Variants in SLC47A1 observed in about 807,000 individuals in gnomAD.
The protein encoded by SLC47A1 is solute carrier family 47 member 1.
A neutral mutation model predicts 65.8 loss-of-function variants in SLC47A1; 58 were observed. That is an observed-to-expected ratio of 0.88 (90% CI 0.71 to 1.10). SLC47A1 has a LOEUF of 1.10. Ranked by LOEUF, SLC47A1 falls within the 50% of genes least tolerant of loss-of-function variation. The pLI is 0.00. For synonymous variants in SLC47A1, 285 were observed against 295.0 expected (o/e 0.97, Z 0.35); for missense variants, 706 against 719.2 (o/e 0.98, Z 0.21).
At chr17:19,556,127 C>T in intron 10 of SLC47A1, 65 bp downstream of exon 10, 1 of 1,550,920 alleles carries the variant, frequency 6.4e-7, no homozygotes, top group Non-Finnish European at 8.9e-7. Context: ...CTGAAAGAGT[C>T]TATGGATGAG....
chr17:19,533,874 T>TGCCGTCCTGCGCGGTACC lies in SLC47A1; in HGVS notation c.-66_-65insGCCGTCCTGCGCGGTACC. On this transcript the variant is annotated 5_prime_UTR_variant, in exon 1 of 17. Transcript: ENST00000270570. Reference sequence around the variant, plus strand: ...TACCCACTGCCGGCCTGCGCGGTACTCACTGCCGGCCTCCGCGGTACCCAC... The same window carrying TGCCGTCCTGCGCGGTACC: ...TACCCACTGCCGGCCTGCGCGGTACTGCCGTCCTGCGCGGTACCCACTGCCGGCCTCCGCGGTACCCAC... 7.2e-7 allele frequency: 1 copy of TGCCGTCCTGCGCGGTACC among 1,380,840 alleles called. No individual in the cohort carries two copies. The highest frequency in any genetic ancestry group is 3.0e-5 in the Admixed American group (1 of 33,186). 85.5% of individuals were successfully genotyped at this position (1,380,840 alleles called of 1,614,324 possible). A position where few individuals can be genotyped will look rare whatever the true frequency, so the allele number is the denominator to read the frequency against.
Position 19,533,948 on chromosome 17 carries a change from T to C in SLC47A1, c.9T>C (p.Ala3=). The change falls in exon 1 of 17, where the codon GCT becomes GCC. Residue 3 remains alanine (A), a synonymous_variant. Transcript: ENST00000270570. ME[A]PEEPAPVRGG... ...CGCAGCGCGCGAGTCACATGGAAGC[T>C]CCTGAGGAGCCCGCGCCAGTGCGCG... 1.3e-6 allele frequency: 2 copies of C among 1,525,640 alleles called. No homozygotes were observed. Among genetic ancestry groups the C allele is most frequent in the Non-Finnish European group, 8.8e-7 (1 of 1,140,828 alleles). The allele number at this position is 1,525,640 out of a possible 1,614,324, so 94.5% of individuals were successfully genotyped here. A position where few individuals can be genotyped will look rare whatever the true frequency, so the allele number is the denominator to read the frequency against.
At chr17:19,550,696 T>C (rs1916424050) in intron 5 of SLC47A1, among the ~76,000 whole-genome samples, 1 of 152,120 alleles carries the variant, frequency 6.6e-6, no homozygotes, top group Non-Finnish European at 1.5e-5. Flanking sequence ...TACCACACAC[T>C]AGGGAGCTTA....
chr17:19,548,178 G>GA, intron 4 of SLC47A1, 45 bp downstream of exon 4: 1 of 1,588,690 alleles, frequency 6.3e-7, no homozygotes, highest in Non-Finnish European at 8.6e-7. Context: ...CCATCCCACG[G>GA]AAAGATTATC....
At chr17:19,547,868 G>C in intron 3 of SLC47A1, 117 bp from the exon 4 acceptor site, 1 of 1,164,002 alleles carries the variant, frequency 8.6e-7, no homozygotes, top group Non-Finnish European at 1.2e-6. Context: ...GATTACAGGC[G>C]TGAGCCACCT....
intron 16 of SLC47A1, among the ~76,000 whole-genome samples, chr17:19,575,837 C>T (rs898979134): frequency 2.0e-5 from 3 of 151,918 alleles, no homozygotes; most frequent in African/African-American, 7.3e-5. Context: ...ATAATAAGGC[C>T]GATGAATAAG....
intron 12 of SLC47A1, among the ~76,000 whole-genome samples, chr17:19,561,806 T>A (rs2084313678): frequency 6.6e-6 from 1 of 152,214 alleles, no homozygotes; most frequent in Non-Finnish European, 1.5e-5. Flanking sequence ...AACCCCTTTT[T>A]AGTACGATTA....
chr17:19,553,324 C>T (rs1916505959), intron 6 of SLC47A1, among the ~76,000 whole-genome samples: 1 of 152,126 alleles, frequency 6.6e-6, no homozygotes, highest in Non-Finnish European at 1.5e-5. Context: ...GCCACCTCTT[C>T]TCGTTCTCCC....
At chr17:19,551,310 C>A in intron 5 of SLC47A1, 114 bp from the exon 6 acceptor site, 1 of 919,136 alleles carries the variant, frequency 1.1e-6, no homozygotes, top group Non-Finnish European at 1.8e-6. Flanking sequence ...TGGCTCCGTG[C>A]GGGAGCAGAG....
rs200450505 is a variant in SLC47A1 at position 19,548,016 on chromosome 17, G to A, written c.338G>A (p.Gly113Asp). 4 of 1,613,934 alleles carry A rather than the reference G, an allele frequency of 2.5e-6. No individual in the cohort carries two copies. In the African/African-American group the frequency reaches 4.0e-5, roughly 16 times the overall value. Residue 113 changes from glycine to aspartate, a missense_variant, in exon 4 of 17, where the codon GGC (glycine) becomes GAC (aspartate). Physicochemically the swap from Gly to Asp is moderately conservative, Grantham distance 94 (BLOSUM62 -1). Transcript: ENST00000270570. ...GGGAGCCAGAACCTGAAGCACGTGG[G>A]CGTGATCCTGCAGCGGAGTGCGCTC... ...TYGSQNLKHV[G>D]VILQRSALVL...
intron 2 of SLC47A1, among the ~76,000 whole-genome samples, chr17:19,545,445 G>A (rs1567966788): frequency 6.6e-6 from 1 of 151,968 alleles, no homozygotes; most frequent in Non-Finnish European, 1.5e-5. Context: ...GCCCACCTCG[G>A]CCTCCCAAAG....
chr17:19,558,446 T>G (rs903539568), intron 10 of SLC47A1, among the ~76,000 whole-genome samples: 1 of 151,522 alleles, frequency 6.6e-6, no homozygotes, highest in Non-Finnish European at 1.5e-5. Flanking sequence ...TTTTTACTTG[T>G]TGGTGGTTGT....
chr17:19,560,379 T>A, intron 11 of SLC47A1, 39 bp from the exon 12 acceptor site: 1 of 1,613,190 alleles, frequency 6.2e-7, no homozygotes, highest in Non-Finnish European at 8.5e-7. Flanking sequence ...TGGATCTTCT[T>A]GTTCACTGTG....
chr17:19,548,216 C>T, intron 4 of SLC47A1, 83 bp downstream of exon 4: 1 of 1,507,554 alleles, frequency 6.6e-7, no homozygotes, highest in Non-Finnish European at 9.0e-7. Context: ...GGGCCAGGGA[C>T]AAGGCTGCAC....
At chr17:19,564,270 G>C (rs2084339132) in intron 12 of SLC47A1, among the ~76,000 whole-genome samples, 1 of 151,970 alleles carries the variant, frequency 6.6e-6, no homozygotes, top group Non-Finnish European at 1.5e-5. Context: ...AGGATCACTT[G>C]AGCCTGAGAG....
chr17:19,560,634 C>T, intron 12 of SLC47A1, 141 bp downstream of exon 12: 1 of 822,266 alleles, frequency 1.2e-6, no homozygotes. Context: ...CTCACTCACA[C>T]CTGTAATCCC....
chr17:19,560,959 A>T (rs2084304764), intron 12 of SLC47A1, among the ~76,000 whole-genome samples: 1 of 151,812 alleles, frequency 6.6e-6, no homozygotes. Flanking sequence ...AAAACTAGGA[A>T]TTTTTTTTAA....
At chr17:19,567,002 T>C in intron 13 of SLC47A1, 94 bp from the exon 14 acceptor site, 1 of 1,597,810 alleles carries the variant, frequency 6.3e-7, no homozygotes, top group Non-Finnish European at 8.6e-7. Flanking sequence ...CACCTTACCA[T>C]GGATTTTAGC....
Position 19,578,112 on chromosome 17 carries a change from T to A in SLC47A1, c.*559T>A. 1 of 548,606 alleles carries A rather than the reference T, an allele frequency of 1.8e-6. No homozygotes were observed. The highest frequency in any genetic ancestry group is 3.2e-6 in the Non-Finnish European group (1 of 313,082). The allele number at this position is 548,606 out of a possible 1,614,324, so 34.0% of individuals were successfully genotyped here. A position where few individuals can be genotyped will look rare whatever the true frequency, so the allele number is the denominator to read the frequency against. On this transcript the variant is annotated 3_prime_UTR_variant, in exon 17 of 17. Coordinates refer to ENST00000270570, the MANE Select transcript of SLC47A1 (RefSeq NM_018242.3). ...AATCCTCCTGTGTCAGCCACCAGAG[T>A]AGCTGAGACTACAGGGGTATGCCAC...
Sources: gnomAD v4.1 joint callset for allele counts (sites outside exome capture counted in the v4.1 genomes callset) on GRCh38, gnomAD v4.1.1 for gene constraint, MANE v1.5 for transcripts, NCBI Gene and HGNC (gene_info 2026-07-23, HGNC 2026-07-21) for gene names.